The following ESYT3 variants were observed in gnomAD, a reference collection of about 807,000 sequenced individuals.
ESYT3 encodes the protein extended synaptotagmin 3.
ESYT3 carries 101 observed loss-of-function variants against 111.5 expected under a neutral mutation model. The ratio of observed to expected loss-of-function variants is 0.91; its 90% confidence interval spans 0.77 to 1.07. ESYT3 has a LOEUF of 1.07. Among genes scored for constraint, ESYT3 ranks in the 50% least tolerant of loss-of-function variants. The probability of loss-of-function intolerance (pLI) is 0.00; values close to 1 mark genes in which losing one functional copy is unlikely to be tolerated. For missense variants in ESYT3, 1,097 were observed against 1,109.4 expected, an observed-to-expected ratio of 0.99 and a Z score of 0.16; for synonymous variants, 416 against 446.8, an observed-to-expected ratio of 0.93 and a Z score of 0.87.
At position 138,477,052 on chromosome 3, in the gene ESYT3, C is replaced by A. The variant is rs2033518073; in HGVS notation, c.*198C>A. The A allele has an allele frequency of 4.6e-6, 2 of 438,466 alleles. No individual in the cohort carries two copies. Among genetic ancestry groups the A allele is most frequent in the East Asian group, 3.7e-5 (1 of 26,846 alleles). 27.2% of individuals were successfully genotyped at this position (438,466 alleles called of 1,614,324 possible). A position where few individuals can be genotyped will look rare whatever the true frequency, so the allele number is the denominator to read the frequency against. On this transcript the variant is annotated 3_prime_UTR_variant, in exon 23 of 23. Coordinates refer to ENST00000389567, the MANE Select transcript of ESYT3 (RefSeq NM_031913.5). ...GCATAAGGAAGAGGTTATTTAAAAG[C>A]AAGAACTACTTTTTTTGGTTGGATT...
intron 17 of ESYT3, among the ~76,000 whole-genome samples, chr3:138,472,101 A>AT (rs1286447096): frequency 3.9e-5 from 6 of 152,050 alleles, no homozygotes; most frequent in Admixed American, 6.5e-5. Flanking sequence ...TATTTTTCAG[A>AT]TTTTTTCTTT....
rs1262489439 is a variant in ESYT3 at position 138,435,048 on chromosome 3, G to A, written c.250G>A (p.Ala84Thr). The A allele has an allele frequency of 1.9e-6, 3 of 1,588,992 alleles. No individual in the cohort carries two copies. The highest frequency in any genetic ancestry group is 1.7e-6 in the Non-Finnish European group (2 of 1,169,606). Residue 84 changes from alanine (A) to threonine (T), a missense_variant, in exon 1 of 23, where the codon GCC becomes ACC. By Grantham distance (58) the Ala-to-Thr change is moderately conservative. Transcript: ENST00000389567. This position sits in a 1 kb window ranked among gnomAD's most constrained non-coding sequence, Gnocchi z 4.8. The stretch of plus-strand genomic sequence containing the variant: ...CCGCCGCGGGAAGCTTGGGCGCCTG[G>A]CCGCCGCCTTCGAATTCCTTGACAA... Reference protein sequence around the residue: ...RNRRGKLGRLAAAFEFLDNER... With the variant: ...RNRRGKLGRLTAAFEFLDNER...
rs762830063 is a variant in ESYT3, at chr3:138,473,522, CTCTTTCTTTACAGAGGTGGGG to C, written c.2238-13_2245del. 5 of 1,610,084 alleles carry C rather than the reference CTCTTTCTTTACAGAGGTGGGG, an allele frequency of 3.1e-6. No homozygotes were observed. ...TTGTTATGGCGAGAGAAGTGATGGG[CTCTTTCTTTACAGAGGTGGGG>C]ACCTCAGGCGACGGCAGCTGGGTGA... On this transcript the variant is annotated splice_acceptor_variant and splice_polypyrimidine_tract_variant and coding_sequence_variant and intron_variant, in exon 19 of 23. Coordinates refer to ENST00000389567, the MANE Select transcript of ESYT3 (RefSeq NM_031913.5). LOFTEE classifies it high-confidence loss of function.
Position 138,473,648 on chromosome 3 carries a change from A to C in ESYT3, c.2336+14A>C. On this transcript the variant is annotated intron_variant, in intron 19 of 22. Transcript: ENST00000389567. ...CAATGGCTGCAGGTAAAGGGATTCT[A>C]GGGCCAGGGAGGTCCTTTGGGAGCA... 6.2e-7 allele frequency: 1 copy of C among 1,609,296 alleles called. No homozygotes were observed. Among genetic ancestry groups the C allele is most frequent in the East Asian group, 2.2e-5 (1 of 44,776 alleles).
chr3:138,468,327 C>CTGTGTGGAGACGGGCTGAGT, intron 12 of ESYT3, 133 bp downstream of exon 12: 1 of 803,060 alleles, frequency 1.2e-6, no homozygotes, highest in Non-Finnish European at 2.1e-6. Flanking sequence ...TCACTCAGCC[C>CTGTGTGGAGACGGGCTGAGT]GTCTCCACAC....
chr3:138,479,443 C>T lies in ESYT3; in HGVS notation c.*2589C>T, dbSNP rs1029932707. The T allele has an allele frequency of 6.6e-6, 1 of 152,230 alleles. No homozygotes were observed. Among genetic ancestry groups the T allele is most frequent in the Admixed American group, 6.5e-5 (1 of 15,292 alleles). 9.4% of individuals were successfully genotyped at this position (152,230 alleles called of 1,614,324 possible). A position where few individuals can be genotyped will look rare whatever the true frequency, so the allele number is the denominator to read the frequency against. Reference sequence around the variant, plus strand: ...ACTCATCTTAAAAATATAACTGTGTCAGTCACTAATTCATTACCTCTCAGC... The same window carrying T: ...ACTCATCTTAAAAATATAACTGTGTTAGTCACTAATTCATTACCTCTCAGC... On this transcript the variant is annotated 3_prime_UTR_variant, in exon 23 of 23. Coordinates refer to ENST00000389567, the MANE Select transcript of ESYT3 (RefSeq NM_031913.5).
At chr3:138,438,689 A>T (rs1207181202) in intron 1 of ESYT3, among the ~76,000 whole-genome samples, 1 of 152,108 alleles carries the variant, frequency 6.6e-6, no homozygotes, top group Non-Finnish European at 1.5e-5. Context: ...CTGTAAAAGG[A>T]GGTTGTATTG....
chr3:138,472,571 C>G lies in ESYT3; in HGVS notation c.1949C>G (p.Ala650Gly), dbSNP rs952263767. The G allele has an allele frequency of 2.2e-5, 35 of 1,614,256 alleles. No homozygotes were observed. Among genetic ancestry groups the G allele is most frequent in the Non-Finnish European group, 2.9e-5 (34 of 1,180,042 alleles). The change falls in exon 18 of 23, where the codon GCT (alanine) becomes GGT (glycine). Residue 650 changes from alanine (A) to glycine (G), a missense_variant. Ala to Gly is a moderately conservative substitution (Grantham distance 60). Coordinates refer to ENST00000389567, the MANE Select transcript of ESYT3 (RefSeq NM_031913.5). ...AGGAGTACCACAACCACCACCAGTG[C>G]TACCACCGTTGCCACTGAGCCCACA... Reference protein sequence around the residue: ...VSRSTTTTTSATTVATEPTSQ... With the variant: ...VSRSTTTTTSGTTVATEPTSQ...
chr3:138,473,437 C>A, intron 18 of ESYT3, 99 bp from the exon 19 acceptor site: 1 of 1,047,626 alleles, frequency 9.5e-7, no homozygotes, highest in East Asian at 2.4e-5. Context: ...CTACATGGCT[C>A]TATACTCCTC....
At chr3:138,466,288 T>G (rs943553177) in intron 10 of ESYT3, among the ~76,000 whole-genome samples, 1 of 152,232 alleles carries the variant, frequency 6.6e-6, no homozygotes, top group African/African-American at 2.4e-5. Context: ...CAGATTGCTG[T>G]GTTGTTTAGC....
At chr3:138,461,966 G>A (rs552732181) in intron 7 of ESYT3, 120 bp from the exon 8 acceptor site, 6 of 1,466,738 alleles carry the variant, frequency 4.1e-6, no homozygotes, top group African/African-American at 1.4e-5. Flanking sequence ...GGTCAGGGCT[G>A]TTCTCTAGGT....
At chr3:138,464,840 G>A (rs944851510) in intron 9 of ESYT3, among the ~76,000 whole-genome samples, 2 of 152,186 alleles carry the variant, frequency 1.3e-5, no homozygotes, top group East Asian at 1.9e-4. Context: ...TATTCCTTAA[G>A]TTCAACCACA....
intron 9 of ESYT3, among the ~76,000 whole-genome samples, chr3:138,464,754 G>GA (rs1460640054): frequency 1.3e-5 from 2 of 152,280 alleles, no homozygotes; most frequent in East Asian, 3.9e-4. Flanking sequence ...AAATCAAAGA[G>GA]AAAGAGCCTT....
At chr3:138,480,718 C>T (rs940572738), downstream of ESYT3, 2 of 152,198 alleles carry the variant, frequency 1.3e-5, no homozygotes, top group Non-Finnish European at 2.9e-5. Context: ...TGCCATTTCT[C>T]TCCAAATTAA....
At chr3:138,474,155 A>C in intron 19 of ESYT3, 66 bp from the exon 20 acceptor site, 1 of 1,574,738 alleles carries the variant, frequency 6.4e-7, no homozygotes. Context: ...TGAAACTCTC[A>C]AATGTTCAGT....
At chr3:138,443,190 G>C (rs1174057182) in intron 1 of ESYT3, among the ~76,000 whole-genome samples, 1 of 152,190 alleles carries the variant, frequency 6.6e-6, no homozygotes, top group East Asian at 1.9e-4. Context: ...ATTTAGGCCA[G>C]TTTGCTGGCT....
chr3:138,476,701 G>C (rs1361602333), intron 22 of ESYT3, 117 bp from the exon 23 acceptor site: 1 of 1,176,348 alleles, frequency 8.5e-7, no homozygotes, highest in Non-Finnish European at 1.3e-6. Flanking sequence ...CCAACTTACA[G>C]AGAGACAGGT....
At chr3:138,455,110 G>GA (rs2032191213) in intron 2 of ESYT3, 84 bp from the exon 3 acceptor site, 5 of 1,533,762 alleles carry the variant, frequency 3.3e-6, no homozygotes, top group African/African-American at 2.7e-5. Context: ...AGGCTGCAGA[G>GA]AATCAGGACC....
chr3:138,442,097 G>A (rs1576420028), intron 1 of ESYT3, among the ~76,000 whole-genome samples: 1 of 149,696 alleles, frequency 6.7e-6, no homozygotes, highest in East Asian at 2.0e-4. Flanking sequence ...AACATAACTG[G>A]TTATAAAATG....
Sources: allele counts gnomAD v4.1 joint callset (sites outside exome capture counted in the v4.1 genomes callset), GRCh38; gene constraint gnomAD v4.1.1; non-coding constraint Gnocchi (gnomAD v3.1); transcripts MANE v1.5; gene names NCBI Gene and HGNC (gene_info 2026-07-23, HGNC 2026-07-21).